Variants in PCNX2 observed in about 807,000 individuals in gnomAD.
The protein encoded by PCNX2 is pecanex-like protein 2.
Under a neutral mutation model 223.8 loss-of-function variants are expected in PCNX2, and 168 were observed. The ratio of observed to expected loss-of-function variants is 0.75; its 90% CI spans 0.66 to 0.85. The LOEUF is 0.85. Ranked by LOEUF, PCNX2 falls within the 40% of genes least tolerant of loss-of-function variation. The pLI, the probability that PCNX2 is intolerant of heterozygous loss-of-function variation, is 0.00. For missense variants in PCNX2, 2,507 were observed against 2,675.5 expected, an observed-to-expected ratio of 0.94 and a Z score of 1.39; for synonymous variants, 1,006 against 1,052.6, an observed-to-expected ratio of 0.96 and a Z score of 0.86.
rs1043824192 is a variant in PCNX2 at position 233,173,123 on chromosome 1, C to A, written c.3273+4679G>T. Reference sequence around the variant, plus strand: ...TGATCCACTAATCCCATTCTCTGATCTTGGATAGTCTCATACTTTTTTCTG... The same window carrying A: ...TGATCCACTAATCCCATTCTCTGATATTGGATAGTCTCATACTTTTTTCTG... On this transcript the variant is annotated intron_variant, in intron 17 of 33. Coordinates refer to ENST00000258229, the MANE Select transcript of PCNX2 (RefSeq NM_014801.4). Among the ~76,000 whole-genome samples the A allele has an allele frequency of 4.0e-5, 6 of 151,276 alleles. No individual in the cohort carries two copies. The East Asian group carries it at 1.2e-3, about 29-fold the overall frequency.
chr1:233,263,202 T>C (rs903718698), intron 1 of PCNX2, 39 bp from the exon 2 acceptor site: 30 of 1,477,230 alleles, frequency 2.0e-5, no homozygotes, highest in Non-Finnish European at 2.4e-5. Flanking sequence ...CATTTGCTTT[T>C]AAGATTTTCT....
chr1:233,252,593 C>A, intron 6 of PCNX2, 48 bp downstream of exon 6: 2 of 1,597,402 alleles, frequency 1.3e-6, no homozygotes, highest in East Asian at 2.2e-5. Flanking sequence ...ATGAGGCTGT[C>A]TCATGCTTTA....
At chr1:233,024,928 G>T (rs1671028310) in intron 26 of PCNX2, among the ~76,000 whole-genome samples, 1 of 152,142 alleles carries the variant, frequency 6.6e-6, no homozygotes, top group South Asian at 2.1e-4. Flanking sequence ...ACTGCTTATT[G>T]GTGCCTAAGC....
chr1:233,113,143 G>A (rs900312830), intron 21 of PCNX2, among the ~76,000 whole-genome samples: 1 of 152,216 alleles, frequency 6.6e-6, no homozygotes, highest in African/African-American at 2.4e-5. Context: ...GTCATCACCA[G>A]GGTAGATTTA....
upstream of PCNX2, among the ~76,000 whole-genome samples, chr1:233,296,103 A>C (rs1320491767): frequency 4.7e-5 from 7 of 150,074 alleles, no homozygotes; most frequent in Admixed American, 3.3e-4. Context: ...CAGACCCAGG[A>C]CACGTTCCTT....
At chr1:233,129,964 G>A (rs755186599) in intron 21 of PCNX2, among the ~76,000 whole-genome samples, 10 of 152,142 alleles carry the variant, frequency 6.6e-5, no homozygotes, top group Admixed American at 2.0e-4. Flanking sequence ...CTCACTGTTC[G>A]GGTCCACACT....
At chr1:233,150,104 A>G (rs1361263675) in intron 19 of PCNX2, among the ~76,000 whole-genome samples, 1 of 152,084 alleles carries the variant, frequency 6.6e-6, no homozygotes, top group Admixed American at 6.5e-5. Context: ...CGGGGCCAGG[A>G]CCGTCCTTCT....
intron 22 of PCNX2, among the ~76,000 whole-genome samples, chr1:233,094,573 A>G (rs1253756307): frequency 6.6e-6 from 1 of 152,118 alleles, no homozygotes; most frequent in East Asian, 1.9e-4. Flanking sequence ...TTTTTTAAAA[A>G]AAGTTAGGGC....
At chr1:233,249,719 A>G (rs1195178815) in intron 8 of PCNX2, among the ~76,000 whole-genome samples, 1 of 152,232 alleles carries the variant, frequency 6.6e-6, no homozygotes, top group Admixed American at 6.5e-5. Context: ...GAAGGACTGC[A>G]TGGCGGGAGA....
rs771982430 is a variant in PCNX2, at chr1:233,177,797, C to G, written c.3273+5G>C. The G allele has an allele frequency of 3.1e-6, 5 of 1,610,022 alleles. No individual in the cohort carries two copies. Among genetic ancestry groups the G allele is most frequent in the Non-Finnish European group, 4.3e-6 (5 of 1,176,354 alleles). The stretch of plus-strand genomic sequence containing the variant: ...ATGCTACATTACACAACGCAAATGT[C>G]TCACCACTGAATCTTTCATCTTCTT... On this transcript the variant is annotated splice_donor_5th_base_variant and intron_variant, in intron 17 of 33. Coordinates refer to ENST00000258229, the MANE Select transcript of PCNX2 (RefSeq NM_014801.4).
chr1:233,254,381 C>T (rs890356989), intron 5 of PCNX2, among the ~76,000 whole-genome samples: 13 of 152,202 alleles, frequency 8.5e-5, no homozygotes, highest in African/African-American at 2.7e-4. Context: ...CGCAGAAAGG[C>T]ATATTGACAC....
intron 17 of PCNX2, among the ~76,000 whole-genome samples, chr1:233,170,271 A>C (rs1006512210): frequency 6.6e-6 from 1 of 152,234 alleles, no homozygotes; most frequent in African/African-American, 2.4e-5. Context: ...CACCAGCAAT[A>C]CATGAGAATT....
intron 21 of PCNX2, among the ~76,000 whole-genome samples, chr1:233,129,427 C>A (rs187048244): frequency 1.2e-3 from 178 of 152,324 alleles, no homozygotes; most frequent in South Asian, 6.8e-3. Context: ...GCAGCCCAAG[C>A]CTCCCCGAAG....
At chr1:233,316,438 A>T in the PCNX2 span, among the ~76,000 whole-genome samples, 1 of 152,148 alleles carries the variant, frequency 6.6e-6, no homozygotes, top group Non-Finnish European at 1.5e-5. Flanking sequence ...CTGTCACTAA[A>T]CTGAAGCTCA....
chr1:233,014,684 C>G lies in PCNX2; in HGVS notation c.4933G>C (p.Ala1645Pro), dbSNP rs769718791. The change falls in exon 28 of 34, where the codon GCT becomes CCT. Residue 1645 changes from alanine (A) to proline (P), a missense_variant. Ala to Pro is a conservative substitution (Grantham distance 27). Coordinates refer to ENST00000258229, the MANE Select transcript of PCNX2 (RefSeq NM_014801.4). Reference sequence around the variant, plus strand: ...AGGTACCTGATGGCCATATTGTGAGCGGCTGTTCCCAGAGCTCTCCTCCCC... The same window carrying G: ...AGGTACCTGATGGCCATATTGTGAGGGGCTGTTCCCAGAGCTCTCCTCCCC... ...TLGRRALGTA[A>P]HNMAISLDSF... is the part of the protein sequence containing the mutation. The G allele has an allele frequency of 6.2e-7, 1 of 1,613,722 alleles. No homozygotes were observed. Among genetic ancestry groups the G allele is most frequent in the South Asian group, 1.1e-5 (1 of 91,084 alleles).
chr1:233,269,023 C>T (rs1050338535), intron 1 of PCNX2, among the ~76,000 whole-genome samples: 3 of 152,202 alleles, frequency 2.0e-5, no homozygotes, highest in Admixed American at 2.0e-4. Flanking sequence ...GTCTCTATCA[C>T]TCTGGGGTCC....
intron 19 of PCNX2, among the ~76,000 whole-genome samples, chr1:233,140,871 C>T (rs1471167405): frequency 6.6e-6 from 1 of 152,158 alleles, no homozygotes; most frequent in Non-Finnish European, 1.5e-5. Context: ...GCCCCCTCCT[C>T]TCTGTCTGTC....
At chr1:233,120,196 A>AAAT (rs1675699539) in intron 21 of PCNX2, among the ~76,000 whole-genome samples, 14 of 142,134 alleles carry the variant, frequency 9.8e-5, no homozygotes, top group African/African-American at 3.7e-4. Flanking sequence ...AAATAAAAAG[A>AAAT]AAAAAGAAAA....
chr1:233,185,033 C>T (rs1259801190), intron 15 of PCNX2, among the ~76,000 whole-genome samples: 1 of 151,764 alleles, frequency 6.6e-6, no homozygotes, highest in Non-Finnish European at 1.5e-5. Flanking sequence ...CACCCTCATT[C>T]TCCAGGTTAC....
Sources: allele counts gnomAD v4.1 joint callset (sites outside exome capture counted in the v4.1 genomes callset), GRCh38; gene constraint gnomAD v4.1.1; transcripts MANE v1.5; gene names NCBI Gene and HGNC (gene_info 2026-07-23, HGNC 2026-07-21).